Variants in PPIL4 observed in about 807,000 individuals in gnomAD.
The protein encoded by PPIL4 is peptidylprolyl isomerase like 4.
A neutral mutation model predicts 69.1 loss-of-function variants in PPIL4; 50 were observed. The ratio of observed to expected loss-of-function variants is 0.72; its 90% CI spans 0.58 to 0.92. The LOEUF (loss-of-function observed/expected upper bound fraction) is 0.92. PPIL4 is among the 40% of genes least tolerant of loss of function. PPIL4 has a pLI of 0.00. For missense variants in PPIL4, 480 were observed against 587.9 expected (o/e 0.82, Z 1.90); for synonymous variants, 193 against 191.6 (o/e 1.01, Z -0.06).
At chr6:149,525,044 G>T in intron 9 of PPIL4, 99 bp downstream of exon 9, 1 of 580,452 alleles carries the variant, frequency 1.7e-6, no homozygotes, top group Non-Finnish European at 3.0e-6. Context: ...CCAAAAGAAA[G>T]GGCAACTCTA....
chr6:149,519,521 C>G (rs538253343), intron 10 of PPIL4, among the ~76,000 whole-genome samples: 3 of 152,194 alleles, frequency 2.0e-5, no homozygotes, highest in Admixed American at 1.3e-4. Flanking sequence ...TCACAAATCA[C>G]TCAAACAGCA....
chr6:149,531,065 T>A (rs1026929546), intron 7 of PPIL4, among the ~76,000 whole-genome samples: 1 of 152,030 alleles, frequency 6.6e-6, no homozygotes, highest in Non-Finnish European at 1.5e-5. Context: ...TAAACCTAAA[T>A]TGAAAAATAT....
chr6:149,523,015 GAAAC>G (rs1297746937), intron 9 of PPIL4, among the ~76,000 whole-genome samples: 1 of 152,138 alleles, frequency 6.6e-6, no homozygotes, highest in African/African-American at 2.4e-5. Flanking sequence ...AATTGAATGG[GAAAC>G]AATTTCACAA....
intron 7 of PPIL4, among the ~76,000 whole-genome samples, chr6:149,528,123 G>A (rs1777138487): frequency 6.6e-6 from 1 of 152,208 alleles, no homozygotes; most frequent in African/African-American, 2.4e-5. Context: ...AGGCATGGCA[G>A]TGTGAGTAGT....
chr6:149,544,101 G>C (rs988990368), intron 1 of PPIL4, among the ~76,000 whole-genome samples: 2 of 151,550 alleles, frequency 1.3e-5, no homozygotes, highest in Admixed American at 1.3e-4. Context: ...AATTGGGTGG[G>C]GTAGCTCTAC....
At chr6:149,520,272 G>C (rs1777009070) in intron 10 of PPIL4, among the ~76,000 whole-genome samples, 1 of 152,094 alleles carries the variant, frequency 6.6e-6, no homozygotes, top group South Asian at 2.1e-4. Context: ...GGGAAAGTTA[G>C]TACCAATAGG....
intron 11 of PPIL4, among the ~76,000 whole-genome samples, 183 bp downstream of exon 11, chr6:149,517,171 A>T (rs1776958004): frequency 6.6e-6 from 1 of 152,222 alleles, no homozygotes; most frequent in African/African-American, 2.4e-5. Flanking sequence ...ATAGTGAAAA[A>T]GCAAAGTATA....
chr6:149,542,065 AC>A (rs1018435805), intron 1 of PPIL4, among the ~76,000 whole-genome samples: 3 of 152,256 alleles, frequency 2.0e-5, no homozygotes, highest in Middle Eastern at 3.4e-3. Flanking sequence ...TAGAAAAAAA[AC>A]ATTTTAAATT....
intron 1 of PPIL4, among the ~76,000 whole-genome samples, chr6:149,545,716 C>T (rs1777430129): frequency 6.6e-6 from 1 of 152,176 alleles, no homozygotes; most frequent in Admixed American, 6.5e-5. Flanking sequence ...ACCGGACTGG[C>T]CAACACAAAA....
rs1776812706 is a variant in PPIL4, at chr6:149,509,582, T to C, written c.1227+2573A>G. On this transcript the variant is annotated intron_variant, in intron 12 of 12. Transcript: ENST00000253329. The stretch of plus-strand genomic sequence containing the variant: ...CTGATGCGACCTCAGACTAAAGTAA[T>C]AGAGTACAGACATTTAAGAAGGAGG... Among the ~76,000 whole-genome samples the C allele has an allele frequency of 1.3e-5, 2 of 152,130 alleles. 1 individual carries two copies. The highest frequency in any genetic ancestry group is 4.1e-4 in the South Asian group (2 of 4,830).
chr6:149,533,399 A>C (rs926834287), intron 7 of PPIL4, 59 bp downstream of exon 7: 26 of 904,248 alleles, frequency 2.9e-5, no homozygotes, highest in Non-Finnish European at 4.6e-5. Flanking sequence ...AGAAATAAAC[A>C]CTCAGTAAGT....
Position 149,546,020 on chromosome 6 carries a change from C to G in PPIL4, c.-15G>C. The G allele has an allele frequency of 6.4e-7, 1 of 1,566,416 alleles. No homozygotes were observed. The highest frequency in any genetic ancestry group is 8.7e-7 in the Non-Finnish European group (1 of 1,153,630). On this transcript the variant is annotated 5_prime_UTR_variant, in exon 1 of 13. Coordinates refer to ENST00000253329, the MANE Select transcript of PPIL4 (RefSeq NM_139126.4). Reference sequence around the variant, plus strand: ...AGAACCGCCATGGCGCCCGCTCCTCCTCCGCTACAAACCCCGGGAGGAGGG... The same window carrying G: ...AGAACCGCCATGGCGCCCGCTCCTCGTCCGCTACAAACCCCGGGAGGAGGG...
intron 10 of PPIL4, among the ~76,000 whole-genome samples, chr6:149,518,423 T>C (rs1393637837): frequency 2.0e-5 from 3 of 152,192 alleles, no homozygotes; most frequent in Non-Finnish European, 4.4e-5. Context: ...GTAGAAAGGC[T>C]TCCTACAGAA....
Position 149,521,121 on chromosome 6 carries a change from A to C in PPIL4, c.921T>G (p.Asp307Glu). Residue 307 changes from aspartate to glutamate, a missense_variant, in exon 10 of 13, where the codon GAT (aspartate) becomes GAG (glutamate). Physicochemically the swap from Asp to Glu is conservative, Grantham distance 45 (BLOSUM62 2). Transcript: ENST00000253329. The part of the protein sequence containing the change: ...AFFKMDNVLI[D>E]DRRIHVDFSQ... ...TAAAATCCACATGTATTCTTCTGTC[A>C]TCTATAAGCACATTGTCCATTTTGA... The C allele has an allele frequency of 6.2e-7, 1 of 1,608,004 alleles. No individual in the cohort carries two copies. Among genetic ancestry groups the C allele is most frequent in the Non-Finnish European group, 8.5e-7 (1 of 1,176,058 alleles).
rs1777436492 is a variant in PPIL4, at chr6:149,546,027, A to G, written c.-22T>C. On this transcript the variant is annotated 5_prime_UTR_variant, in exon 1 of 13. Transcript: ENST00000253329. Reference sequence around the variant, plus strand: ...CCATGGCGCCCGCTCCTCCTCCGCTACAAACCCCGGGAGGAGGGGGGTGAC... The same window carrying G: ...CCATGGCGCCCGCTCCTCCTCCGCTGCAAACCCCGGGAGGAGGGGGGTGAC... The G allele has an allele frequency of 1.3e-6, 2 of 1,561,354 alleles. No homozygotes were observed. Among genetic ancestry groups the G allele is most frequent in the Non-Finnish European group, 1.7e-6 (2 of 1,150,776 alleles).
chr6:149,542,520 A>T (rs1208226701), intron 1 of PPIL4, among the ~76,000 whole-genome samples: 2 of 152,230 alleles, frequency 1.3e-5, no homozygotes, highest in Non-Finnish European at 2.9e-5. Context: ...AACCAAACAG[A>T]CAGTAAGATA....
At position 149,517,795 on chromosome 6, in the gene PPIL4, T is replaced by C. The variant is rs1197230567; in HGVS notation, c.983-345A>G. 2.3e-5 allele frequency: 4 copies of C among 173,292 alleles called. No individual in the cohort carries two copies. The East Asian group carries it at 7.0e-4, about 30-fold the overall frequency. 10.7% of individuals were successfully genotyped at this position (173,292 alleles called of 1,614,324 possible). Reference sequence around the variant, plus strand: ...GAGGATTTGGGACCTGAGTTTAAGATCTGAAAGACCTAAGTTTGAGAGAAG... The same window carrying C: ...GAGGATTTGGGACCTGAGTTTAAGACCTGAAAGACCTAAGTTTGAGAGAAG... On this transcript the variant is annotated intron_variant, in intron 10 of 12. Transcript: ENST00000253329.
At chr6:149,531,957 T>G (rs1380085223) in intron 7 of PPIL4, among the ~76,000 whole-genome samples, 1 of 152,194 alleles carries the variant, frequency 6.6e-6, no homozygotes, top group Non-Finnish European at 1.5e-5. Flanking sequence ...CGTGAGCCAC[T>G]GTGCCCGGCC....
At chr6:149,532,959 T>C (rs1290153199) in intron 7 of PPIL4, among the ~76,000 whole-genome samples, 1 of 152,190 alleles carries the variant, frequency 6.6e-6, no homozygotes, top group Non-Finnish European at 1.5e-5. Context: ...AAATAAGAAA[T>C]GGAAAATAAT....
Sources: allele counts gnomAD v4.1 joint callset (sites outside exome capture counted in the v4.1 genomes callset), GRCh38; gene constraint gnomAD v4.1.1; transcripts MANE v1.5; gene names NCBI Gene and HGNC (gene_info 2026-07-23, HGNC 2026-07-21).